Variants in AGAP1 observed in about 807,000 individuals in gnomAD.
The protein encoded by AGAP1 is arf-GAP with GTPase, ANK repeat and PH domain-containing protein 1.
Under a neutral mutation model 105.3 loss-of-function variants are expected in AGAP1, and 29 were observed. That is an observed-to-expected ratio of 0.28 (90% CI 0.21 to 0.38). The LOEUF (loss-of-function observed/expected upper bound fraction) is 0.38, where lower values mean the gene tolerates loss of function less well. Among genes scored for constraint, AGAP1 ranks in the 10% least tolerant of loss-of-function variants. The pLI is 1.00. For synonymous variants in AGAP1, 509 were observed against 485.9 expected (o/e 1.05, Z -0.63); for missense variants, 998 against 1,165.1 (o/e 0.86, Z 2.09).
chr2:235,535,120 A>G lies in AGAP1; in HGVS notation c.163+40271A>G, dbSNP rs945326405. Among the ~76,000 whole-genome samples the G allele has an allele frequency of 2.6e-5, 4 of 152,084 alleles. No homozygotes were observed. Among genetic ancestry groups the G allele is most frequent in the Non-Finnish European group, 5.9e-5 (4 of 68,006 alleles). On this transcript the variant is annotated intron_variant, in intron 1 of 17. Transcript: ENST00000304032. This position sits in a 1 kb window ranked among gnomAD's most constrained non-coding sequence, Gnocchi z 5.1. Reference sequence around the variant, plus strand: ...GGTGAATGGATTCTCGCCAGGGCCAATACTTATCCGCAGGGGTGTGTGCCA... The same window carrying G: ...GGTGAATGGATTCTCGCCAGGGCCAGTACTTATCCGCAGGGGTGTGTGCCA...
chr2:235,678,214 GTC>G (rs1948863473), intron 1 of AGAP1, among the ~76,000 whole-genome samples: 1 of 152,174 alleles, frequency 6.6e-6, no homozygotes, highest in African/African-American at 2.4e-5. Context: ...CCTTCTGAGA[GTC>G]TGTTCTCTTT....
In AGAP1 at chr2:236,089,312, C is replaced by CT. The variant is rs1418755651; in HGVS notation, c.2115-30879dup. On this transcript the variant is annotated intron_variant, in intron 16 of 17. Coordinates refer to ENST00000304032, the MANE Select transcript of AGAP1 (RefSeq NM_001037131.3). The surrounding 1 kb of genome is among the most constrained non-coding windows in gnomAD (Gnocchi z 5.6). The stretch of plus-strand genomic sequence containing the variant: ...TGACACACAGTTTCCCTGGGCATTG[C>CT]TACATATTCCTTGCTCTTCCGTAAA... 1.3e-5 allele frequency among the ~76,000 whole-genome samples: 2 copies of CT among 152,214 alleles called. No homozygotes were observed. Among genetic ancestry groups the CT allele is most frequent in the African/African-American group, 4.8e-5 (2 of 41,448 alleles).
Position 235,789,019 on chromosome 2 carries a change from G to A in AGAP1, c.674-8740G>A, listed in dbSNP as rs1281443716. Among the ~76,000 whole-genome samples, 1 of 152,156 alleles carries A rather than the reference G, an allele frequency of 6.6e-6. No individual in the cohort carries two copies. Among genetic ancestry groups the A allele is most frequent in the Non-Finnish European group, 1.5e-5 (1 of 68,026 alleles). On this transcript the variant is annotated intron_variant, in intron 6 of 17. Transcript: ENST00000304032. The surrounding 1 kb of genome is among the most constrained non-coding windows in gnomAD (Gnocchi z 4.2). The stretch of plus-strand genomic sequence containing the variant: ...CCTGATTTTTGGCAGCTCGACTTTG[G>A]GATTAAATGTTAAGGAACTATTGTG...
At chr2:235,974,490 G>A (rs927335750) in intron 13 of AGAP1, among the ~76,000 whole-genome samples, 4 of 152,212 alleles carry the variant, frequency 2.6e-5, no homozygotes, top group Non-Finnish European at 5.9e-5. Flanking sequence ...GGTTCACAGC[G>A]CTTTGTTCTG....
In AGAP1 at chr2:235,961,493, A is replaced by G. The variant is rs2054184547; in HGVS notation, c.1484-6969A>G. 6.6e-6 allele frequency among the ~76,000 whole-genome samples: 1 copy of G among 152,112 alleles called. No individual in the cohort carries two copies. Among genetic ancestry groups the G allele is most frequent in the Non-Finnish European group, 1.5e-5 (1 of 68,030 alleles). ...GTTGGTGGGATGTGAGCGGGACTGG[A>G]GTGAGGCCAGCCGTGGACAGCAGTG... On this transcript the variant is annotated intron_variant, in intron 12 of 17. Transcript: ENST00000304032. The surrounding 1 kb of genome is among the most constrained non-coding windows in gnomAD (Gnocchi z 5.9).
chr2:235,743,292 A>C (rs995761357), intron 4 of AGAP1, among the ~76,000 whole-genome samples: 1 of 152,182 alleles, frequency 6.6e-6, no homozygotes, highest in African/African-American at 2.4e-5. Context: ...AGGAGATGAG[A>C]GCCACAGTTC....
chr2:235,528,297 A>G (rs1016846802), intron 1 of AGAP1, among the ~76,000 whole-genome samples: 7 of 151,482 alleles, frequency 4.6e-5, no homozygotes, highest in African/African-American at 1.7e-4. Flanking sequence ...GAGCGCACAA[A>G]TTCTTTCACC....
Position 236,005,555 on chromosome 2 carries a change from A to C in AGAP1, c.1646-31006A>C, listed in dbSNP as rs2056294824. ...CTTTATTTGCATCTCTTTAGCTTTA[A>C]CCTCATGCCGTGTCTCTGTTCCAGG... On this transcript the variant is annotated intron_variant, in intron 13 of 17. Transcript: ENST00000304032. The surrounding 1 kb of genome is among the most constrained non-coding windows in gnomAD (Gnocchi z 4.1). Among the ~76,000 whole-genome samples the C allele has an allele frequency of 6.6e-6, 1 of 152,084 alleles. No individual in the cohort carries two copies. The highest frequency in any genetic ancestry group is 2.4e-5 in the African/African-American group (1 of 41,400).
intron 1 of AGAP1, among the ~76,000 whole-genome samples, chr2:235,496,040 G>A (rs1234591341): frequency 4.6e-5 from 7 of 152,224 alleles, no homozygotes; most frequent in Admixed American, 3.9e-4. Context: ...CCCACAGAGA[G>A]GCTTTGCCTT....
At position 235,741,163 on chromosome 2, in the gene AGAP1, T is replaced by TA. The variant is rs992746683; in HGVS notation, c.396+121dup. The TA allele has an allele frequency of 6.3e-6, 5 of 791,082 alleles. No homozygotes were observed. The Admixed American group carries it at 1.7e-4, about 26-fold the overall frequency. 49.0% of individuals were successfully genotyped at this position (791,082 alleles called of 1,614,324 possible). ...GGTTTCCAAAAAAGTGGAAACCCCATAAAAAATGTTTCCTCTCACTGCATT... is the reference window on the plus strand; with the variant it reads ...GGTTTCCAAAAAAGTGGAAACCCCATAAAAAAATGTTTCCTCTCACTGCATT... On this transcript the variant is annotated intron_variant, in intron 4 of 17. Transcript: ENST00000304032. The surrounding 1 kb of genome is among the most constrained non-coding windows in gnomAD (Gnocchi z 4.9).
intron 11 of AGAP1, among the ~76,000 whole-genome samples, chr2:235,909,800 C>T (rs1346320386): frequency 1.3e-5 from 2 of 152,150 alleles, no homozygotes; most frequent in African/African-American, 2.4e-5. Flanking sequence ...GCGGGTGGAT[C>T]GCCTGAGGTC....
chr2:235,505,363 C>T (rs771770550), intron 1 of AGAP1, among the ~76,000 whole-genome samples: 11 of 152,154 alleles, frequency 7.2e-5, no homozygotes, highest in African/African-American at 1.7e-4. Flanking sequence ...GAAGGACACG[C>T]GGGGCCATGG....
chr2:235,776,653 T>G (rs1415153418), intron 6 of AGAP1, among the ~76,000 whole-genome samples: 1 of 152,194 alleles, frequency 6.6e-6, no homozygotes, highest in East Asian at 1.9e-4. Context: ...CGTCACTCGC[T>G]CATGAGCAGC....
In AGAP1 at chr2:235,751,475, G is replaced by A. The variant is rs904857576; in HGVS notation, c.673+987G>A. Among the ~76,000 whole-genome samples the A allele has an allele frequency of 7.2e-5, 11 of 152,164 alleles. No individual in the cohort carries two copies. Among genetic ancestry groups the A allele is most frequent in the African/African-American group, 2.2e-4 (9 of 41,444 alleles). ...GAGAGTGCTGGAGCCGCTTCAAGGT[G>A]ATGGAGGACTCGCCGCGCTCTGACC... is the stretch of plus-strand genomic sequence containing the variant. On this transcript the variant is annotated intron_variant, in intron 6 of 17. Coordinates refer to ENST00000304032, the MANE Select transcript of AGAP1 (RefSeq NM_001037131.3). The surrounding 1 kb of genome is among the most constrained non-coding windows in gnomAD (Gnocchi z 5.3).
intron 1 of AGAP1, among the ~76,000 whole-genome samples, chr2:235,537,065 G>A (rs867062140): frequency 3.3e-5 from 5 of 152,244 alleles, no homozygotes; most frequent in African/African-American, 4.8e-5. Context: ...CAGGTCCAGC[G>A]TTGGGCATGC....
In AGAP1 at chr2:235,719,899, G is replaced by A. The variant is rs554260626; in HGVS notation, c.310+2255G>A. On this transcript the variant is annotated intron_variant, in intron 3 of 17. Transcript: ENST00000304032. The surrounding 1 kb of genome is among the most constrained non-coding windows in gnomAD (Gnocchi z 4.9). ...GTGCTGAAAGAATTATGAATACATG[G>A]CTCCTTGTGCCTGGAAGCTTCTTAG... Among the ~76,000 whole-genome samples the A allele has an allele frequency of 1.3e-5, 2 of 152,304 alleles. No homozygotes were observed. Among genetic ancestry groups the A allele is most frequent in the South Asian group, 4.2e-4 (2 of 4,814 alleles).
At chr2:235,815,835 A>C (rs755167669) in intron 9 of AGAP1, among the ~76,000 whole-genome samples, 10 of 152,194 alleles carry the variant, frequency 6.6e-5, no homozygotes, top group Non-Finnish European at 8.8e-5. Flanking sequence ...TCCTTATACC[A>C]GGTGCGTAGC....
At chr2:235,651,236 G>A (rs909777246) in intron 1 of AGAP1, among the ~76,000 whole-genome samples, 20 of 145,326 alleles carry the variant, frequency 1.4e-4, no homozygotes, top group Non-Finnish European at 2.4e-4. Context: ...CTTGCAGGCA[G>A]TGGTCACAGG....
At chr2:235,667,658 C>T (rs1230764278) in intron 1 of AGAP1, among the ~76,000 whole-genome samples, 1 of 152,024 alleles carries the variant, frequency 6.6e-6, no homozygotes, top group Non-Finnish European at 1.5e-5. Context: ...GTTCTTGGTT[C>T]TTATCAAAGA....
Sources: gnomAD v4.1 joint callset for allele counts (sites outside exome capture counted in the v4.1 genomes callset) on GRCh38, gnomAD v4.1.1 for gene constraint, Gnocchi (gnomAD v3.1) non-coding constraint, MANE v1.5 for transcripts, NCBI Gene and HGNC (gene_info 2026-07-23, HGNC 2026-07-21) for gene names.